The following STK26 variants were observed in gnomAD, a reference collection of about 807,000 sequenced individuals.
STK26 encodes serine/threonine kinase 26, also known as serine/threonine-protein kinase 26.
STK26 carries 14 observed loss-of-function variants against 34.7 expected under a neutral mutation model. That is an observed-to-expected ratio of 0.40 (90% confidence interval 0.27 to 0.63). The LOEUF (loss-of-function observed/expected upper bound fraction) is 0.63. Among genes scored for constraint, STK26 ranks in the 30% least tolerant of loss-of-function variants. STK26 has a pLI of 0.38. For synonymous variants in STK26, 100 were observed against 109.8 expected (o/e 0.91, Z 0.56); for missense variants, 226 against 309.1 (o/e 0.73, Z 2.02).
At chrX:132,028,282 A>G (rs1925687142) in intron 2 of STK26, among the ~76,000 whole-genome samples, 1 of 110,858 alleles carries the variant, frequency 9.0e-6, no homozygotes, top group African/African-American at 3.3e-5. Flanking sequence ...CAGGCTTAAT[A>G]ATTAGCTAGT....
intron 2 of STK26, among the ~76,000 whole-genome samples, chrX:132,033,117 G>A: frequency 9.0e-6 from 1 of 111,010 alleles, no homozygotes; most frequent in Non-Finnish European, 1.9e-5. Context: ...GTGGGTGGTG[G>A]GGGTGGGATG....
intron 2 of STK26, among the ~76,000 whole-genome samples, chrX:132,024,831 A>C (rs1050688782): frequency 9.7e-6 from 1 of 102,795 alleles, no homozygotes; most frequent in Non-Finnish European, 2.0e-5. Flanking sequence ...AATGGGATTT[A>C]TTTGTGCACC....
At chrX:132,044,907 T>G (rs376498180) in intron 2 of STK26, among the ~76,000 whole-genome samples, 1 of 101,159 alleles carries the variant, frequency 9.9e-6, no homozygotes, top group South Asian at 4.5e-4. Flanking sequence ...ATAACATCTA[T>G]CTATATAGAG....
At chrX:132,035,881 T>TCACACACACACA in intron 2 of STK26, among the ~76,000 whole-genome samples, 1 of 92,109 alleles carries the variant, frequency 1.1e-5, no homozygotes, top group African/African-American at 4.2e-5. Context: ...ACACACTCAT[T>TCACACACACACA]CACAGTCCTG....
chrX:132,045,533 A>G lies in STK26; in HGVS notation c.43-9098A>G, dbSNP rs191221182. On this transcript the variant is annotated intron_variant, in intron 2 of 11. Transcript: ENST00000394334. ...TCACTGATTTCTTGTAATTTTCAAG[A>G]TAAGCAAAATTAAGTCAATTTTTTC... 1.2e-3 allele frequency among the ~76,000 whole-genome samples: 135 copies of G among 112,418 alleles called. 2 individuals carry two copies. The Admixed American group carries it at 0.013, about 10-fold the overall frequency.
chrX:132,036,209 T>C (rs1022541100), intron 2 of STK26, among the ~76,000 whole-genome samples: 1 of 112,407 alleles, frequency 8.9e-6, no homozygotes, highest in African/African-American at 3.2e-5. Flanking sequence ...ATTTCTAAAA[T>C]GAACACACAA....
intron 7 of STK26, among the ~76,000 whole-genome samples, chrX:132,070,181 G>A (rs1305895590): frequency 2.7e-5 from 3 of 109,783 alleles, no homozygotes; most frequent in Admixed American, 9.8e-5. Context: ...ACAGGCACCC[G>A]CCACCATGCC....
chrX:132,049,520 G>A (rs5930542), intron 2 of STK26, among the ~76,000 whole-genome samples: 36,787 of 110,455 alleles, frequency 0.33, 4,884 homozygotes, highest in African/African-American at 0.44. Flanking sequence ...AAAACATTTC[G>A]TCTCTAGCCT....
intron 2 of STK26, among the ~76,000 whole-genome samples, chrX:132,051,551 T>C (rs1926690583): frequency 8.9e-6 from 1 of 111,756 alleles, no homozygotes; most frequent in Admixed American, 9.5e-5. Context: ...GATAGAGTAA[T>C]AAATTGTGAT....
At chrX:132,048,266 A>G (rs1301793595) in intron 2 of STK26, among the ~76,000 whole-genome samples, 1 of 112,048 alleles carries the variant, frequency 8.9e-6, no homozygotes, top group Non-Finnish European at 1.9e-5. Context: ...AATAAAAATT[A>G]TATCAGTTTA....
intron 2 of STK26, among the ~76,000 whole-genome samples, chrX:132,040,118 G>A (rs1264498958): frequency 3.6e-5 from 4 of 112,218 alleles, no homozygotes; most frequent in Middle Eastern, 4.6e-3. Flanking sequence ...CATTTTAAAA[G>A]AGTTATTTAA....
Position 132,068,201 on chromosome X carries a change from T to G in STK26, c.331-14T>G. On this transcript the variant is annotated splice_polypyrimidine_tract_variant and intron_variant, in intron 4 of 11. Transcript: ENST00000394334. ...ACACATATGTGTATGTGTGTGTGTG[T>G]TTTTCCCCTTAAGCTTCGAGCTGGT... The G allele has an allele frequency of 8.6e-7, 1 of 1,167,826 alleles. No individual in the cohort carries two copies. Among genetic ancestry groups the G allele is most frequent in the Non-Finnish European group, 1.2e-6 (1 of 868,980 alleles).
chrX:132,053,041 G>A (rs1306637566), intron 2 of STK26, among the ~76,000 whole-genome samples: 3 of 111,572 alleles, frequency 2.7e-5, no homozygotes, highest in Admixed American at 9.5e-5. Flanking sequence ...TGGTAAAAGA[G>A]GACACCAAGG....
intron 2 of STK26, among the ~76,000 whole-genome samples, chrX:132,050,034 TA>T (rs1406150936): frequency 9.0e-6 from 1 of 111,160 alleles, no homozygotes; most frequent in Non-Finnish European, 1.9e-5. Context: ...CTGGGGGTCT[TA>T]GTTAGGTAGT....
intron 2 of STK26, among the ~76,000 whole-genome samples, chrX:132,034,609 T>C (rs5930538): frequency 0.034 from 3,834 of 111,900 alleles, 58 homozygotes; most frequent in Middle Eastern, 0.079. Flanking sequence ...ACATTTATTC[T>C]TTACTCAGTC....
intron 6 of STK26, among the ~76,000 whole-genome samples, chrX:132,069,052 A>G (rs1199594203): frequency 9.1e-6 from 1 of 109,742 alleles, no homozygotes; most frequent in East Asian, 2.9e-4. Context: ...TAAATTTGCA[A>G]CACCCTTCCC....
chrX:132,024,436 A>C (rs1049322999), intron 2 of STK26, among the ~76,000 whole-genome samples: 1 of 112,074 alleles, frequency 8.9e-6, no homozygotes, highest in Non-Finnish European at 1.9e-5. Context: ...CATTTTATTA[A>C]AGATAAGCTA....
chrX:132,075,806 A>ACTT lies in STK26; in HGVS notation c.*1648_*1650dup, dbSNP rs1442414560. The ACTT allele has an allele frequency of 8.9e-6, 1 of 112,043 alleles. No individual in the cohort carries two copies. The highest frequency in any genetic ancestry group is 9.5e-5 in the Admixed American group (1 of 10,549). 9.2% of individuals were successfully genotyped at this position (112,043 alleles called of 1,213,427 possible). A position where few individuals can be genotyped will look rare whatever the true frequency, so the allele number is the denominator to read the frequency against. On this transcript the variant is annotated 3_prime_UTR_variant, in exon 12 of 12. Coordinates refer to ENST00000394334, the MANE Select transcript of STK26 (RefSeq NM_016542.4). Reference sequence around the variant, plus strand: ...CAAATTTATAAATTGATTATTTGAAACTTTACAACACAATTGCATCCCAAA... The same window carrying ACTT: ...CAAATTTATAAATTGATTATTTGAAACTTCTTTACAACACAATTGCATCCCAAA...
At chrX:132,027,975 C>G (rs776646580) in intron 2 of STK26, among the ~76,000 whole-genome samples, 1 of 108,538 alleles carries the variant, frequency 9.2e-6, no homozygotes, top group Non-Finnish European at 1.9e-5. Flanking sequence ...CCCATCTCAG[C>G]CTCCAGAGCA....
Sources: allele counts gnomAD v4.1 joint callset (sites outside exome capture counted in the v4.1 genomes callset), GRCh38; gene constraint gnomAD v4.1.1; transcripts MANE v1.5; gene names NCBI Gene and HGNC (gene_info 2026-07-23, HGNC 2026-07-21).